ZNF71: variants seen among roughly 807,000 people sequenced by gnomAD.
ZNF71 encodes the protein endothelial zinc finger protein induced by tumor necrosis factor alpha.
In ZNF71, 3 loss-of-function variants were observed where a neutral mutation model predicts 6.7. The ratio of observed to expected loss-of-function variants is 0.45; its 90% confidence interval spans 0.20 to 1.16. ZNF71 has a LOEUF of 1.16. Ranked by LOEUF, ZNF71 falls within the 50% of genes most tolerant of loss-of-function variation. ZNF71 has a pLI of 0.25. For missense variants in ZNF71, 688 were observed against 728.6 expected, an observed-to-expected ratio of 0.94 and a Z score of 0.64; for synonymous variants, 343 against 311.1, an observed-to-expected ratio of 1.10 and a Z score of -1.08.
At chr19:56,620,128 C>T (rs144030602) in intron 3 of ZNF71, among the ~76,000 whole-genome samples, 25 of 152,192 alleles carry the variant, frequency 1.6e-4, no homozygotes, top group African/African-American at 3.9e-4. Flanking sequence ...CTCAAGTGAG[C>T]GGTCCTGTGT....
At chr19:56,620,128 C>G (rs144030602) in intron 3 of ZNF71, among the ~76,000 whole-genome samples, 5 of 152,074 alleles carry the variant, frequency 3.3e-5, no homozygotes, top group Non-Finnish European at 7.4e-5. Context: ...CTCAAGTGAG[C>G]GGTCCTGTGT....
chr19:56,617,081 G>C (rs2044799041), intron 3 of ZNF71, among the ~76,000 whole-genome samples: 1 of 150,870 alleles, frequency 6.6e-6, no homozygotes, highest in South Asian at 2.1e-4. Flanking sequence ...ACTCTGGTGA[G>C]TAAGATTACA....
rs181758691 is a variant in ZNF71, at chr19:56,599,413, G to A, written c.-52-2094G>A. 7.1e-4 allele frequency among the ~76,000 whole-genome samples: 108 copies of A among 152,254 alleles called. 2 individuals are homozygous for A. The highest frequency in any genetic ancestry group is 1.9e-4 in the East Asian group (1 of 5,182). On this transcript the variant is annotated intron_variant, in intron 1 of 3. Transcript: ENST00000599599. ...GCTGTAAAAGAAGCTGAGTTTTGCT[G>A]TAAGAAGGGAAACAAACTTTAAAAC...
At position 56,620,545 on chromosome 19, in the gene ZNF71, T is replaced by A. The variant is rs139808021; in HGVS notation, c.161-723T>A. 3.6e-3 allele frequency among the ~76,000 whole-genome samples: 545 copies of A among 152,176 alleles called. 6 individuals are homozygous for A. Among genetic ancestry groups the A allele is most frequent in the African/African-American group, 0.012 (501 of 41,514 alleles). On this transcript the variant is annotated intron_variant, in intron 3 of 3. Transcript: ENST00000599599. ...TCAATATTTATTTATTTATTTATTT[T>A]TTAAGAGACAGGGTCTCACCCTGTC...
intron 2 of ZNF71, among the ~76,000 whole-genome samples, chr19:56,611,179 A>C (rs2044749168): frequency 6.6e-6 from 1 of 152,206 alleles, no homozygotes; most frequent in Admixed American, 6.5e-5. Context: ...ATTCGAGGAG[A>C]GAAGGCAGGC....
At chr19:56,619,479 T>C (rs1430776207) in intron 3 of ZNF71, among the ~76,000 whole-genome samples, 2 of 152,236 alleles carry the variant, frequency 1.3e-5, no homozygotes, top group Non-Finnish European at 2.9e-5. Flanking sequence ...AAAAAATGTT[T>C]TTCATGGGGA....
At chr19:56,612,404 CACATACAT>C (rs1568506522) in intron 2 of ZNF71, among the ~76,000 whole-genome samples, 2 of 152,082 alleles carry the variant, frequency 1.3e-5, no homozygotes, top group Non-Finnish European at 2.9e-5. Flanking sequence ...TACACATACA[CACATACAT>C]ACACACACAT....
At chr19:56,595,943 G>A (rs1489858193) in intron 1 of ZNF71, among the ~76,000 whole-genome samples, 1 of 151,264 alleles carries the variant, frequency 6.6e-6, no homozygotes, top group South Asian at 2.1e-4. Flanking sequence ...GTGAATGAAT[G>A]TGAATGTGTC....
intron 2 of ZNF71, chr19:56,610,005 ACGAAC>A (rs2044739523): frequency 6.6e-6 from 1 of 152,164 alleles, no homozygotes; most frequent in Admixed American, 6.5e-5. Flanking sequence ...TGTCGTGTGG[ACGAAC>A]CACATTGTTT....
intron 2 of ZNF71, among the ~76,000 whole-genome samples, chr19:56,609,612 T>G (rs2044734892): frequency 6.6e-6 from 1 of 151,668 alleles, no homozygotes; most frequent in Non-Finnish European, 1.5e-5. Context: ...GTTCCGGACA[T>G]TGTCCATAAA....
At chr19:56,620,202 G>C (rs1351869269) in intron 3 of ZNF71, among the ~76,000 whole-genome samples, 3 of 152,214 alleles carry the variant, frequency 2.0e-5, no homozygotes, top group Non-Finnish European at 2.9e-5. Flanking sequence ...GGGCCAGCCA[G>C]GGCAGGTGCG....
intron 3 of ZNF71, among the ~76,000 whole-genome samples, chr19:56,617,658 T>C (rs755291596): frequency 6.6e-6 from 1 of 152,220 alleles, no homozygotes; most frequent in Non-Finnish European, 1.5e-5. Context: ...CCTGCTCTTT[T>C]GCTGACCTGA....
chr19:56,606,828 T>A (rs1420482952), intron 2 of ZNF71, among the ~76,000 whole-genome samples: 1 of 152,124 alleles, frequency 6.6e-6, no homozygotes. Context: ...GGAAGTCTTC[T>A]GTGATCTAGC....
At chr19:56,617,403 C>T (rs1365825043) in intron 3 of ZNF71, among the ~76,000 whole-genome samples, 1 of 152,158 alleles carries the variant, frequency 6.6e-6, no homozygotes, top group African/African-American at 2.4e-5. Context: ...CCATTTTCTC[C>T]ATTACTGTTT....
At chr19:56,600,703 T>C (rs931465725) in intron 1 of ZNF71, among the ~76,000 whole-genome samples, 9 of 152,210 alleles carry the variant, frequency 5.9e-5, no homozygotes, top group Non-Finnish European at 1.5e-5. Context: ...GTTTTATCCA[T>C]GTTGTTGCAA....
At chr19:56,612,208 G>A (rs1045742237) in intron 2 of ZNF71, among the ~76,000 whole-genome samples, 1 of 152,100 alleles carries the variant, frequency 6.6e-6, no homozygotes, top group African/African-American at 2.4e-5. Flanking sequence ...TCAACGCAAA[G>A]GAAAATAAGT....
chr19:56,621,726 A>C lies in ZNF71; in HGVS notation c.619A>C (p.Lys207Gln). 6.2e-7 allele frequency: 1 copy of C among 1,613,394 alleles called. No individual in the cohort carries two copies. Among genetic ancestry groups the C allele is most frequent in the Admixed American group, 1.7e-5 (1 of 59,976 alleles). The change falls in exon 4 of 4, where the codon AAG becomes CAG. Residue 207 changes from lysine to glutamine, a missense_variant. Physicochemically the swap from Lys to Gln is moderately conservative, Grantham distance 53. Transcript: ENST00000599599. Reference sequence around the variant, plus strand: ...CTTTAGCCGAAGCTCGTCCCTGATAAAGCACCAAAGGATCCACACGGGAGA... The same window carrying C: ...CTTTAGCCGAAGCTCGTCCCTGATACAGCACCAAAGGATCCACACGGGAGA... Reference protein sequence around the residue: ...KAFSRSSSLIKHQRIHTGEKP... With the variant: ...KAFSRSSSLIQHQRIHTGEKP...
At chr19:56,604,758 A>T (rs1022713234) in intron 2 of ZNF71, among the ~76,000 whole-genome samples, 1 of 152,198 alleles carries the variant, frequency 6.6e-6, no homozygotes, top group Admixed American at 6.5e-5. Context: ...CCCAAGCCCC[A>T]GAAGGGCACC....
chr19:56,621,429 C>A lies in ZNF71; in HGVS notation c.322C>A (p.Pro108Thr). The change falls in exon 4 of 4, where the codon CCG becomes ACG. Residue 108 changes from proline to threonine, a missense_variant. Transcript: ENST00000599599. The part of the protein sequence containing the change: ...VWEPGSWPER[P>T]RGDAGAEWEP... ...GGAACCAGGCAGCTGGCCAGAGAGGCCGCGGGGAGATGCAGGTGCAGAGTG... is the reference window on the plus strand; with the variant it reads ...GGAACCAGGCAGCTGGCCAGAGAGGACGCGGGGAGATGCAGGTGCAGAGTG... 6.2e-7 allele frequency: 1 copy of A among 1,613,636 alleles called. No homozygotes were observed. The highest frequency in any genetic ancestry group is 1.7e-5 in the Admixed American group (1 of 59,948).
Sources: gnomAD v4.1 joint callset for allele counts (sites outside exome capture counted in the v4.1 genomes callset) on GRCh38, gnomAD v4.1.1 for gene constraint, MANE v1.5 for transcripts, NCBI Gene and HGNC (gene_info 2026-07-23, HGNC 2026-07-21) for gene names.